LPL: variants seen among roughly 807,000 people sequenced by gnomAD.
The protein encoded by LPL is phospholipase A1.
Under a neutral mutation model 52.2 loss-of-function variants are expected in LPL, and 43 were observed. That is an observed-to-expected ratio of 0.82 (90% CI 0.64 to 1.06). LPL has a LOEUF of 1.06. LPL is among the 50% of genes least tolerant of loss of function. The probability of loss-of-function intolerance (pLI) is 0.00; values close to 1 mark genes in which losing one functional copy is unlikely to be tolerated. For synonymous variants in LPL, 244 were observed against 215.6 expected (o/e 1.13, Z -1.15); for missense variants, 639 against 585.3 (o/e 1.09, Z -0.95).
intron 6 of LPL, among the ~76,000 whole-genome samples, chr8:19,957,574 C>T (rs1027287038): frequency 2.0e-5 from 3 of 152,124 alleles, no homozygotes; most frequent in Admixed American, 2.0e-4. Flanking sequence ...CTGTCAGTGT[C>T]CCCTAGGGGC....
intron 7 of LPL, among the ~76,000 whole-genome samples, chr8:19,959,871 C>A (rs1308542209): frequency 2.8e-5 from 4 of 144,022 alleles, no homozygotes; most frequent in Non-Finnish European, 3.0e-5. Flanking sequence ...TCACTGCAAC[C>A]TCTACCTCCC....
At chr8:19,964,968 C>T (rs568486975) in intron 9 of LPL, among the ~76,000 whole-genome samples, 1 of 152,296 alleles carries the variant, frequency 6.6e-6, no homozygotes, top group East Asian at 1.9e-4. Context: ...TCTGCTAACT[C>T]CTCAGAAACC....
intron 9 of LPL, among the ~76,000 whole-genome samples, chr8:19,964,392 A>G (rs1161774582): frequency 6.6e-6 from 1 of 152,226 alleles, no homozygotes; most frequent in East Asian, 1.9e-4. Context: ...CTGCTTGTAA[A>G]GCACGTCCAG....
Position 19,944,047 on chromosome 8 carries a change from C to T in LPL, c.89-4133C>T, listed in dbSNP as rs750638149. Among the ~76,000 whole-genome samples, 2 of 151,924 alleles carry T rather than the reference C, an allele frequency of 1.3e-5. No homozygotes were observed. The highest frequency in any genetic ancestry group is 2.9e-5 in the Non-Finnish European group (2 of 67,994). The stretch of plus-strand genomic sequence containing the variant: ...ACTAAAAATACAAAAATTAGCCAGG[C>T]GTGGTGGCAGGCACCTGTAATCCCG... On this transcript the variant is annotated intron_variant, in intron 1 of 9. Transcript: ENST00000650287. This position sits in a 1 kb window ranked among gnomAD's most constrained non-coding sequence, Gnocchi z 4.2.
At position 19,944,748 on chromosome 8, in the gene LPL, C is replaced by G. The variant is rs890083122; in HGVS notation, c.89-3432C>G. ...GTTATTATCTATGTTAGAATAAATT[C>G]TTTGTCTTTGTTTACACACTCAGAT... On this transcript the variant is annotated intron_variant, in intron 1 of 9. Coordinates refer to ENST00000650287, the MANE Select transcript of LPL (RefSeq NM_000237.3). This position sits in a 1 kb window ranked among gnomAD's most constrained non-coding sequence, Gnocchi z 4.2. 1.3e-5 allele frequency among the ~76,000 whole-genome samples: 2 copies of G among 152,126 alleles called. No individual in the cohort carries two copies. The highest frequency in any genetic ancestry group is 2.9e-5 in the Non-Finnish European group (2 of 68,010).
chr8:19,962,530 G>A (rs183204774), intron 9 of LPL, among the ~76,000 whole-genome samples: 2 of 151,894 alleles, frequency 1.3e-5, no homozygotes, highest in East Asian at 1.9e-4. Flanking sequence ...TCTCTACTGC[G>A]TCTCTGCTGA....
chr8:19,955,261 T>TA (rs1396869259), intron 5 of LPL, among the ~76,000 whole-genome samples: 2 of 152,310 alleles, frequency 1.3e-5, no homozygotes, highest in African/African-American at 4.8e-5. Context: ...ATTTAACAAT[T>TA]ACCCTCTTAA....
In LPL at chr8:19,939,353, C is replaced by T. The variant is rs1173554312; in HGVS notation, c.-88C>T. 2.3e-6 allele frequency: 3 copies of T among 1,330,920 alleles called. No individual in the cohort carries two copies. The East Asian group carries it at 7.5e-5, about 33-fold the overall frequency. The allele number at this position is 1,330,920 out of a possible 1,614,324, so 82.4% of individuals were successfully genotyped here. ...AAGGGCGACTTGCTCAGCGCCAAAC[C>T]GCGGCTCCAGCCCTCTCCAGCCTCC... On this transcript the variant is annotated 5_prime_UTR_variant, in exon 1 of 10. Transcript: ENST00000650287. The surrounding 1 kb of genome is among the most constrained non-coding windows in gnomAD (Gnocchi z 4.0).
intron 2 of LPL, chr8:19,948,559 G>T (rs2069903904): frequency 7.3e-6 from 4 of 548,094 alleles, no homozygotes; most frequent in Admixed American, 6.6e-5. Context: ...CACTGTACCT[G>T]GTTGGTGCCC....
intron 6 of LPL, 79 bp downstream of exon 6, chr8:19,956,162 T>C (rs1201151955): frequency 1.9e-6 from 3 of 1,585,088 alleles, no homozygotes; most frequent in Non-Finnish European, 2.6e-6. Context: ...GTACTGATTC[T>C]GTCCATTGGA....
rs1393904246 is a variant in LPL at position 19,966,550 on chromosome 8, A to G, written c.*1240A>G. On this transcript the variant is annotated 3_prime_UTR_variant, in exon 10 of 10. Coordinates refer to ENST00000650287, the MANE Select transcript of LPL (RefSeq NM_000237.3). Reference sequence around the variant, plus strand: ...AATGCTCTTCTACGTATAAATATGAAATGATAAAGATGTCAAATATCTCAG... The same window carrying G: ...AATGCTCTTCTACGTATAAATATGAGATGATAAAGATGTCAAATATCTCAG... The G allele has an allele frequency of 6.6e-6, 1 of 152,202 alleles. No homozygotes were observed. The highest frequency in any genetic ancestry group is 1.5e-5 in the Non-Finnish European group (1 of 68,034). The allele number at this position is 152,202 out of a possible 1,614,324, so 9.4% of individuals were successfully genotyped here. A position where few individuals can be genotyped will look rare whatever the true frequency, so the allele number is the denominator to read the frequency against.
chr8:19,960,901 G>C lies in LPL; in HGVS notation c.1140G>C (p.Leu380=). The C allele has an allele frequency of 1.2e-6, 2 of 1,612,992 alleles. No homozygotes were observed. The highest frequency in any genetic ancestry group is 1.1e-5 in the South Asian group (1 of 91,030). ...CCAAATTTATTGCTTTTTTGTTTAG[G>C]CCTGAAGTTTCCACAAATAAGACCT... The part of the protein sequence containing the change: ...VAESENIPFT[L]PEVSTNKTYS... The change falls in exon 8 of 10, where the codon CTG becomes CTC. Residue 380 remains leucine, a splice_region_variant and synonymous_variant. Coordinates refer to ENST00000650287, the MANE Select transcript of LPL (RefSeq NM_000237.3).
At chr8:19,953,123 AAAG>A in intron 3 of LPL, among the ~76,000 whole-genome samples, 184 bp from the exon 4 acceptor site, 1 of 152,318 alleles carries the variant, frequency 6.6e-6, no homozygotes, top group South Asian at 2.1e-4. Flanking sequence ...AAGTGAAACA[AAAG>A]AAAAAGACAA....
chr8:19,944,917 T>C lies in LPL; in HGVS notation c.89-3263T>C, dbSNP rs1431999256. ...GAGGCCTGATGGGCAGGTGGTACGG[T>C]GATGCTAAGTTAAATTCAGAATGAA... On this transcript the variant is annotated intron_variant, in intron 1 of 9. Transcript: ENST00000650287. This position sits in a 1 kb window ranked among gnomAD's most constrained non-coding sequence, Gnocchi z 4.2. Among the ~76,000 whole-genome samples, 3 of 152,102 alleles carry C rather than the reference T, an allele frequency of 2.0e-5. No individual in the cohort carries two copies. Among genetic ancestry groups the C allele is most frequent in the African/African-American group, 7.2e-5 (3 of 41,432 alleles).
At chr8:19,942,409 T>C (rs2069848678) in intron 1 of LPL, among the ~76,000 whole-genome samples, 2 of 152,152 alleles carry the variant, frequency 1.3e-5, no homozygotes, top group Non-Finnish European at 2.9e-5. Context: ...GACATGAGTA[T>C]CATGATTTTT....
chr8:19,939,424 G>C lies in LPL; in HGVS notation c.-17G>C. On this transcript the variant is annotated 5_prime_UTR_variant, in exon 1 of 10. Coordinates refer to ENST00000650287, the MANE Select transcript of LPL (RefSeq NM_000237.3). The surrounding 1 kb of genome is among the most constrained non-coding windows in gnomAD (Gnocchi z 4.0). ...CGGTCCGCGCCTTGCAGCTCCTCCA[G>C]AGGGACGCGCCCCGAGATGGAGAGC... is the stretch of plus-strand genomic sequence containing the variant. 1.2e-6 allele frequency: 2 copies of C among 1,600,676 alleles called. No individual in the cohort carries two copies. The highest frequency in any genetic ancestry group is 1.1e-5 in the South Asian group (1 of 89,200).
chr8:19,954,697 A>G (rs767069637), intron 5 of LPL, among the ~76,000 whole-genome samples: 12 of 152,224 alleles, frequency 7.9e-5, no homozygotes, highest in Middle Eastern at 3.2e-3. Context: ...TGCAAAGCCA[A>G]TGGAAAGATT....
Position 19,961,150 on chromosome 8 carries a change from T to C in LPL, c.1322+67T>C. The C allele has an allele frequency of 3.6e-6, 5 of 1,404,132 alleles. No individual in the cohort carries two copies. The South Asian group carries it at 5.9e-5, about 17-fold the overall frequency. The allele number at this position is 1,404,132 out of a possible 1,614,324, so 87.0% of individuals were successfully genotyped here. On this transcript the variant is annotated intron_variant, in intron 8 of 9. Transcript: ENST00000650287. ...CTGATGTCAGGACCTAGGGGCTGTA[T>C]TTCAGGGGCCTTCACAATTCAGGGA... is the stretch of plus-strand genomic sequence containing the variant.
rs2070093010 is a variant in LPL, at chr8:19,966,727, G to C, written c.*1417G>C. On this transcript the variant is annotated 3_prime_UTR_variant, in exon 10 of 10. Coordinates refer to ENST00000650287, the MANE Select transcript of LPL (RefSeq NM_000237.3). ...ACATGTCGGAGTAGAAATTGTTCCT[G>C]ATGTGCCAGAACTTCGACCCTTTCT... 1 of 152,174 alleles carries C rather than the reference G, an allele frequency of 6.6e-6. No homozygotes were observed. The highest frequency in any genetic ancestry group is 6.5e-5 in the Admixed American group (1 of 15,276). The allele number at this position is 152,174 out of a possible 1,614,324, so 9.4% of individuals were successfully genotyped here.
Sources: gnomAD v4.1 joint callset for allele counts (sites outside exome capture counted in the v4.1 genomes callset) on GRCh38, gnomAD v4.1.1 for gene constraint, Gnocchi (gnomAD v3.1) non-coding constraint, MANE v1.5 for transcripts, NCBI Gene and HGNC (gene_info 2026-07-23, HGNC 2026-07-21) for gene names.